Variants in SYN1 observed in about 807,000 individuals in gnomAD.
SYN1 encodes synapsin-1.
Under a neutral mutation model 44.6 loss-of-function variants are expected in SYN1, and 8 were observed. The observed-to-expected ratio is 0.18, with a 90% CI of 0.11 to 0.32. The LOEUF is 0.32. Among genes scored for constraint, SYN1 ranks in the 10% least tolerant of loss-of-function variants. The pLI is 1.00. For missense variants in SYN1, 451 were observed against 639.4 expected (o/e 0.71, Z 3.18); for synonymous variants, 275 against 280.1 (o/e 0.98, Z 0.18).
chrX:47,584,845 G>A lies in SYN1; in HGVS notation c.775-7344C>T, dbSNP rs28764016. 3,293 of 785,874 alleles carry A rather than the reference G, an allele frequency of 4.2e-3. 40 individuals carry two copies. The African/African-American group carries it at 0.055, about 13-fold the overall frequency. 64.8% of individuals were successfully genotyped at this position (785,874 alleles called of 1,213,427 possible). On this transcript the variant is annotated intron_variant, in intron 5 of 12. Coordinates refer to ENST00000295987, the MANE Select transcript of SYN1 (RefSeq NM_006950.3). ...TCCAATAACCCCTATTTATGTATGC[G>A]CTTTGCTGGTATGATGATGATGATG... is the stretch of plus-strand genomic sequence containing the variant.
At chrX:47,573,917 G>A (rs777702734) in intron 12 of SYN1, 85 bp downstream of exon 12, 14 of 911,191 alleles carry the variant, frequency 1.5e-5, no homozygotes, top group African/African-American at 1.3e-4. Context: ...TGGGTCTGAG[G>A]AGCAAGGGAG....
intron 1 of SYN1, among the ~76,000 whole-genome samples, chrX:47,616,542 G>A (rs761506279): frequency 9.0e-5 from 10 of 111,602 alleles, no homozygotes; most frequent in Non-Finnish European, 1.7e-4. Context: ...CCTATATCCA[G>A]CAGAGGCCTC....
chrX:47,592,463 G>A (rs1313676040), intron 5 of SYN1, among the ~76,000 whole-genome samples: 1 of 111,291 alleles, frequency 9.0e-6, no homozygotes, highest in Non-Finnish European at 1.9e-5. Flanking sequence ...CTTTTTCAGG[G>A]TTTTCCTAGT....
At chrX:47,585,750 T>C in intron 5 of SYN1, 1 of 1,178,207 alleles carries the variant, frequency 8.5e-7, no homozygotes, top group Non-Finnish European at 1.1e-6. Context: ...TTGCTCCCTC[T>C]GGCTATTCTG....
Position 47,574,181 on chromosome X carries a change from T to C in SYN1, c.1803A>G (p.Thr601=). The C allele has an allele frequency of 2.8e-6, 3 of 1,056,768 alleles. No homozygotes were observed. Among genetic ancestry groups the C allele is most frequent in the African/African-American group, 3.9e-5 (2 of 50,841 alleles). The allele number at this position is 1,056,768 out of a possible 1,213,427, so 87.1% of individuals were successfully genotyped here. A position where few individuals can be genotyped will look rare whatever the true frequency, so the allele number is the denominator to read the frequency against. Reference sequence around the variant, plus strand: ...CGGGACCCGCCTGGCTGGCCTGGCGTGTGGGGCCGGCTGGGCCTGGGGGTT... The same window carrying C: ...CGGGACCCGCCTGGCTGGCCTGGCGCGTGGGGCCGGCTGGGCCTGGGGGTT... The part of the protein sequence containing the change: ...PQKPPGPAGP[T]RQASQAGPVP... The change falls in exon 12 of 13, where the codon ACA becomes ACG. Residue 601 remains threonine, a synonymous_variant. Coordinates refer to ENST00000295987, the MANE Select transcript of SYN1 (RefSeq NM_006950.3).
Position 47,574,549 on chromosome X carries a change from G to A in SYN1, c.1435C>T (p.Pro479Ser). The stretch of plus-strand genomic sequence containing the variant: ...GGGGGCGGGCGCTGCTGCAATGGGG[G>A]TCCCTGGCGCTGGGGGCCTGGACCC... ...QPGPGPQRQG[P>S]PLQQRPPPQG... The change falls in exon 12 of 13, where the codon CCC (proline) becomes TCC (serine). Residue 479 changes from proline to serine, a missense_variant. By Grantham distance (74) the Pro-to-Ser change is moderately conservative. This residue lies in a region of SYN1 where 315 missense variants were observed against 451.4 expected (regional missense o/e 0.70). Coordinates refer to ENST00000295987, the MANE Select transcript of SYN1 (RefSeq NM_006950.3). 5.5e-6 allele frequency: 6 copies of A among 1,088,325 alleles called. No individual in the cohort carries two copies. The South Asian group carries it at 1.4e-4, about 25-fold the overall frequency. The allele number at this position is 1,088,325 out of a possible 1,213,427, so 89.7% of individuals were successfully genotyped here. A position where few individuals can be genotyped will look rare whatever the true frequency, so the allele number is the denominator to read the frequency against.
chrX:47,598,121 G>A (rs1296634470), intron 5 of SYN1, among the ~76,000 whole-genome samples: 1 of 111,930 alleles, frequency 8.9e-6, no homozygotes, highest in African/African-American at 3.2e-5. Flanking sequence ...TAACTACATA[G>A]GTAAATATAA....
intron 5 of SYN1, among the ~76,000 whole-genome samples, chrX:47,593,408 A>G (rs1184629763): frequency 9.2e-6 from 1 of 108,363 alleles, no homozygotes; most frequent in Non-Finnish European, 1.9e-5. Context: ...AGCTGGGACT[A>G]CAGGCGCACA....
At chrX:47,581,645 C>T (rs1287795467) in intron 5 of SYN1, among the ~76,000 whole-genome samples, 1 of 112,138 alleles carries the variant, frequency 8.9e-6, no homozygotes, top group Non-Finnish European at 1.9e-5. Context: ...TCTACAGTTC[C>T]TCTACGCCCC....
chrX:47,573,492 A>C (rs762985410), intron 12 of SYN1, among the ~76,000 whole-genome samples: 6 of 111,015 alleles, frequency 5.4e-5, no homozygotes, highest in South Asian at 7.7e-4. Context: ...GGAATGGACC[A>C]GAAAAGGCAG....
At chrX:47,611,701 T>C (rs1159140490) in intron 1 of SYN1, among the ~76,000 whole-genome samples, 2 of 111,554 alleles carry the variant, frequency 1.8e-5, no homozygotes, top group Non-Finnish European at 3.8e-5. Flanking sequence ...ATCATACTGA[T>C]TGTGCAAGAT....
chrX:47,590,571 T>C (rs1158370757), intron 5 of SYN1, among the ~76,000 whole-genome samples: 3 of 112,293 alleles, frequency 2.7e-5, no homozygotes, highest in Non-Finnish European at 5.6e-5. Flanking sequence ...CCTTGGGACA[T>C]GGCCTCTGTC....
chrX:47,608,916 C>CAA (rs1285446344), intron 1 of SYN1, among the ~76,000 whole-genome samples: 2 of 106,011 alleles, frequency 1.9e-5, no homozygotes. Flanking sequence ...CACACACACA[C>CAA]ACACACGGCA....
chrX:47,574,586 G>A lies in SYN1; in HGVS notation c.1398C>T (p.Gly466=), dbSNP rs767324459. ...PAQQRPPPQG[G]PPQPGPGPQR... is the part of the protein sequence containing the mutation. ...GGGGGCCTGGACCCGGCTGTGGAGGGCCGCCTGGGGGACAGAGGGAGAGAA... is the reference window on the plus strand; with the variant it reads ...GGGGGCCTGGACCCGGCTGTGGAGGACCGCCTGGGGGACAGAGGGAGAGAA... Residue 466 remains glycine (G), a synonymous_variant, in exon 12 of 13, where the codon GGC becomes GGT. Coordinates refer to ENST00000295987, the MANE Select transcript of SYN1 (RefSeq NM_006950.3). 1 of 1,096,972 alleles carries A rather than the reference G, an allele frequency of 9.1e-7. No individual in the cohort carries two copies. The highest frequency in any genetic ancestry group is 2.2e-5 in the South Asian group (1 of 46,222). The allele number at this position is 1,096,972 out of a possible 1,213,427, so 90.4% of individuals were successfully genotyped here.
chrX:47,588,673 C>T (rs1466091583), intron 5 of SYN1, among the ~76,000 whole-genome samples: 3 of 111,960 alleles, frequency 2.7e-5, no homozygotes. Flanking sequence ...CTCATTACAT[C>T]CCCCATTGCT....
chrX:47,594,553 G>GA (rs1205142638), intron 5 of SYN1, among the ~76,000 whole-genome samples: 22 of 105,486 alleles, frequency 2.1e-4, no homozygotes, highest in African/African-American at 4.8e-4. Context: ...AAAAGAAAAA[G>GA]AAAAAAAAAG....
At chrX:47,585,209 AT>A in intron 5 of SYN1, 1 of 1,187,552 alleles carries the variant, frequency 8.4e-7, no homozygotes, top group Non-Finnish European at 1.1e-6. Context: ...CAACAGATGT[AT>A]AAAGGGTTCC....
chrX:47,607,602 G>C (rs756987636), intron 1 of SYN1, among the ~76,000 whole-genome samples: 1 of 109,673 alleles, frequency 9.1e-6, no homozygotes, highest in South Asian at 3.9e-4. Context: ...ATCTGGCCAG[G>C]TACGGTGGCT....
chrX:47,584,997 T>C, intron 5 of SYN1: 1 of 1,208,585 alleles, frequency 8.3e-7, no homozygotes, highest in South Asian at 1.8e-5. Context: ...ACCAGCGTTA[T>C]GAGATCAAGA....
Sources: allele counts gnomAD v4.1 joint callset (sites outside exome capture counted in the v4.1 genomes callset), GRCh38; gene constraint gnomAD v4.1.1; regional missense constraint gnomAD v4.1.1; transcripts MANE v1.5; gene names NCBI Gene and HGNC (gene_info 2026-07-23, HGNC 2026-07-21).